The following SIGLEC10 variants were observed in gnomAD, a reference collection of about 807,000 sequenced individuals.
The protein encoded by SIGLEC10 is sialic acid binding Ig like lectin 10, also known as sialic acid-binding Ig-like lectin 10.
Under a neutral mutation model 68.3 loss-of-function variants are expected in SIGLEC10, and 45 were observed. The observed-to-expected ratio is 0.66, with a 90% confidence interval of 0.52 to 0.84. SIGLEC10 has a LOEUF of 0.84. SIGLEC10 is among the 40% of genes least tolerant of loss of function. SIGLEC10 has a pLI of 0.00. For missense variants in SIGLEC10, 789 were observed against 883.1 expected (o/e 0.89, Z 1.35); for synonymous variants, 379 against 370.8 (o/e 1.02, Z -0.26).
At position 51,415,978 on chromosome 19, in the gene SIGLEC10, G is replaced by T. The variant is rs543398977; in HGVS notation, c.944C>A (p.Ala315Asp). 1.3e-5 allele frequency: 21 copies of T among 1,613,644 alleles called. 1 individual carries two copies. The East Asian group carries it at 4.7e-4, about 36-fold the overall frequency. The change falls in exon 5 of 11, where the codon GCT (alanine) becomes GAT (aspartate). Residue 315 changes from alanine to aspartate, a missense_variant. Coordinates refer to ENST00000339313, the MANE Select transcript of SIGLEC10 (RefSeq NM_033130.5). Reference sequence around the variant, plus strand: ...GCAGGTGTAGCGCCCTGAATCCCCAGCCTTCACCCCGGGCAGCTCCAGCCC... The same window carrying T: ...GCAGGTGTAGCGCCCTGAATCCCCATCCTTCACCCCGGGCAGCTCCAGCCC... The part of the protein sequence containing the change: ...PLGLELPGVK[A>D]GDSGRYTCRA...
rs772223489 is a variant in SIGLEC10 at position 51,417,632 on chromosome 19, G to C, written c.-51C>G. The C allele has an allele frequency of 1.2e-6, 2 of 1,610,368 alleles. No individual in the cohort carries two copies. The highest frequency in any genetic ancestry group is 2.7e-5 in the African/African-American group (2 of 74,866). ...CCTGAGACAGGCCTGTTCTCTGGTC[G>C]TGCTGTGAGTGGCTCAGGGCTCTTG... On this transcript the variant is annotated 5_prime_UTR_variant, in exon 1 of 11. Transcript: ENST00000339313.
At chr19:51,417,040 C>A (rs1988763748) in intron 2 of SIGLEC10, 42 bp downstream of exon 2, 1 of 1,603,650 alleles carries the variant, frequency 6.2e-7, no homozygotes, top group Admixed American at 1.7e-5. Flanking sequence ...CCCAGGGTCC[C>A]TCCCCAGTGT....
rs766802965 is a variant in SIGLEC10 at position 51,416,904 on chromosome 19, G to A, written c.468C>T (p.Pro156=). ...PDVYIPETLE[P]GQPVTVICVF... Reference sequence around the variant, plus strand: ...CACAGATGACCGTCACCGGCTGCCCGGGCTCCAGGGTCTCGGGGATGTAGA... The same window carrying A: ...CACAGATGACCGTCACCGGCTGCCCAGGCTCCAGGGTCTCGGGGATGTAGA... Residue 156 remains proline, a synonymous_variant, in exon 3 of 11, where the codon CCC becomes CCT. Transcript: ENST00000339313. 1.3e-5 allele frequency: 21 copies of A among 1,613,964 alleles called. No individual in the cohort carries two copies. Among genetic ancestry groups the A allele is most frequent in the Middle Eastern group, 1.6e-4 (1 of 6,082 alleles).
At chr19:51,412,770 G>A (rs972685605) in intron 10 of SIGLEC10, among the ~76,000 whole-genome samples, 5 of 150,130 alleles carry the variant, frequency 3.3e-5, no homozygotes, top group South Asian at 2.1e-4. Context: ...GCCAGCAGGC[G>A]TGGCCTTTTT....
At position 51,414,218 on chromosome 19, in the gene SIGLEC10, G is replaced by C; in HGVS notation, c.1709+204C>G. 1.7e-6 allele frequency: 1 copy of C among 597,094 alleles called. No individual in the cohort carries two copies. The highest frequency in any genetic ancestry group is 2.0e-5 in the South Asian group (1 of 50,284). 37.0% of individuals were successfully genotyped at this position (597,094 alleles called of 1,614,324 possible). ...ACAAGAAACACTTCGCTTGGGGCGTGACTGCCCTCAGCATTCCCTCTGGGA... is the reference window on the plus strand; with the variant it reads ...ACAAGAAACACTTCGCTTGGGGCGTCACTGCCCTCAGCATTCCCTCTGGGA... On this transcript the variant is annotated intron_variant, in intron 9 of 10. Transcript: ENST00000339313. The surrounding 1 kb of genome is among the most constrained non-coding windows in gnomAD (Gnocchi z 4.1).
At chr19:51,412,599 C>T (rs1281087147) in intron 10 of SIGLEC10, among the ~76,000 whole-genome samples, 5 of 151,760 alleles carry the variant, frequency 3.3e-5, no homozygotes, top group East Asian at 3.9e-4. Context: ...CTCAGCCTCC[C>T]GAGTAGCTGT....
Position 51,416,078 on chromosome 19 carries a change from GCTGGCTGTCA to G in SIGLEC10, c.834_843del (p.Asp279ProfsTer5). On this transcript the variant is annotated frameshift_variant, in exon 5 of 11. Transcript: ENST00000339313. LOFTEE classifies it high-confidence loss of function. ...AGGACCCAGCTCAGTGTGGCAGGGG[GCTGGCTGTCA>G]GCAGCACAGAGGAGCCGCAGGAACT... 1 of 1,611,472 alleles carries G rather than the reference GCTGGCTGTCA, an allele frequency of 6.2e-7. No individual in the cohort carries two copies. Among genetic ancestry groups the G allele is most frequent in the Non-Finnish European group, 8.5e-7 (1 of 1,179,232 alleles).
chr19:51,412,667 G>T (rs935597317), intron 10 of SIGLEC10, among the ~76,000 whole-genome samples: 3 of 151,936 alleles, frequency 2.0e-5, no homozygotes, highest in South Asian at 2.1e-4. Flanking sequence ...GTAGAGATGG[G>T]GTTTCACCAT....
chr19:51,415,957 G>T lies in SIGLEC10; in HGVS notation c.965C>A (p.Thr322Asn). The change falls in exon 5 of 11, where the codon ACC becomes AAC. Residue 322 changes from threonine to asparagine, a missense_variant. Thr to Asn is a moderately conservative substitution (Grantham distance 65). Coordinates refer to ENST00000339313, the MANE Select transcript of SIGLEC10 (RefSeq NM_033130.5). ...GCCAAGCCTGTTCTCCGCTCGGCAG[G>T]TGTAGCGCCCTGAATCCCCAGCCTT... Reference protein sequence around the residue: ...GVKAGDSGRYTCRAENRLGSQ... With the variant: ...GVKAGDSGRYNCRAENRLGSQ... The T allele has an allele frequency of 2.5e-6, 4 of 1,613,656 alleles. No individual in the cohort carries two copies. Among genetic ancestry groups the T allele is most frequent in the Non-Finnish European group, 3.4e-6 (4 of 1,180,014 alleles).
Position 51,415,892 on chromosome 19 carries a change from A to C in SIGLEC10, c.1024+6T>G. The C allele has an allele frequency of 3.1e-6, 5 of 1,612,532 alleles. No homozygotes were observed. ...TGGACTCCAGGCCCCTGCTGGGCAC[A>C]CTCACACTGCACAGAGAGGTCCAGG... On this transcript the variant is annotated splice_donor_region_variant and intron_variant, in intron 5 of 10. Coordinates refer to ENST00000339313, the MANE Select transcript of SIGLEC10 (RefSeq NM_033130.5).
In SIGLEC10 at chr19:51,415,626, G is replaced by T; in HGVS notation, c.1025-11C>A. On this transcript the variant is annotated splice_polypyrimidine_tract_variant and intron_variant, in intron 5 of 10. Transcript: ENST00000339313. Reference sequence around the variant, plus strand: ...GGTTCTCTGGAGGATCTGAAATGGAGACAGGGGACCGGCTCTAGACGGACC... The same window carrying T: ...GGTTCTCTGGAGGATCTGAAATGGATACAGGGGACCGGCTCTAGACGGACC... 2 of 1,613,952 alleles carry T rather than the reference G, an allele frequency of 1.2e-6. No individual in the cohort carries two copies. Among genetic ancestry groups the T allele is most frequent in the South Asian group, 1.1e-5 (1 of 91,078 alleles).
intron 1 of SIGLEC10, 27 bp downstream of exon 1, chr19:51,417,518 G>A: frequency 6.2e-7 from 1 of 1,614,202 alleles, no homozygotes; most frequent in Non-Finnish European, 8.5e-7. Context: ...TCCGCCCCAG[G>A]TCCTTTCCGG....
chr19:51,416,725 T>C lies in SIGLEC10; in HGVS notation c.647A>G (p.His216Arg). The change falls in exon 3 of 11, where the codon CAT (histidine) becomes CGT (arginine). Residue 216 changes from histidine (H) to arginine (R), a missense_variant. His to Arg is a conservative substitution (Grantham distance 29). Transcript: ENST00000339313. Reference protein sequence around the residue: ...PQDHNTDLTCHVDFSRKGVSA... With the variant: ...PQDHNTDLTCRVDFSRKGVSA... Reference sequence around the variant, plus strand: ...CACACCCTTTCTGGAGAAGTCCACATGGCAGGTGAGGTCGGTGTTGTGGTC... The same window carrying C: ...CACACCCTTTCTGGAGAAGTCCACACGGCAGGTGAGGTCGGTGTTGTGGTC... 6.2e-7 allele frequency: 1 copy of C among 1,614,192 alleles called. No homozygotes were observed. The highest frequency in any genetic ancestry group is 8.5e-7 in the Non-Finnish European group (1 of 1,180,032).
chr19:51,412,658 T>C (rs1272373802), intron 10 of SIGLEC10, among the ~76,000 whole-genome samples: 4 of 152,044 alleles, frequency 2.6e-5, no homozygotes, highest in African/African-American at 4.8e-5. Context: ...GTATGTTTAG[T>C]AGAGATGGGG....
Position 51,410,624 on chromosome 19 carries a change from C to T in SIGLEC10, c.*475G>A, listed in dbSNP as rs934986633. 1.3e-5 allele frequency: 2 copies of T among 156,054 alleles called. No individual in the cohort carries two copies. The highest frequency in any genetic ancestry group is 1.2e-4 in the Admixed American group (2 of 16,042). The allele number at this position is 156,054 out of a possible 1,614,324, so 9.7% of individuals were successfully genotyped here. On this transcript the variant is annotated 3_prime_UTR_variant, in exon 11 of 11. Coordinates refer to ENST00000339313, the MANE Select transcript of SIGLEC10 (RefSeq NM_033130.5). ...CCACCCACCTTAGCCTCCCAAAGTG[C>T]TGGGATTACAGACACCCAACCCATT... is the stretch of plus-strand genomic sequence containing the variant.
In SIGLEC10 at chr19:51,416,874, A is replaced by G; in HGVS notation, c.498T>C (p.Phe166=). 2 of 1,614,100 alleles carry G rather than the reference A, an allele frequency of 1.2e-6. No homozygotes were observed. The highest frequency in any genetic ancestry group is 1.7e-6 in the Non-Finnish European group (2 of 1,180,014). ...PGQPVTVICV[F]NWAFEECPPP... is the part of the protein sequence containing the mutation. ...GTGGACATTCCTCAAAGGCCCAGTT[A>G]AACACACAGATGACCGTCACCGGCT... Residue 166 remains phenylalanine (F), a synonymous_variant, in exon 3 of 11, where the codon TTT becomes TTC. Transcript: ENST00000339313.
intron 10 of SIGLEC10, among the ~76,000 whole-genome samples, chr19:51,412,484 CTT>C (rs529570279): frequency 5.6e-5 from 8 of 143,110 alleles, no homozygotes; most frequent in Admixed American, 7.0e-5. Context: ...TGGAATTAGT[CTT>C]TTTTTTTTTT....
intron 10 of SIGLEC10, 103 bp downstream of exon 10, chr19:51,413,609 C>T: frequency 9.8e-7 from 1 of 1,025,524 alleles, no homozygotes; most frequent in South Asian, 1.4e-5. Flanking sequence ...ACTATCGGTG[C>T]TTTTCCCACC....
chr19:51,414,782 G>A lies in SIGLEC10; in HGVS notation c.1615+42C>T. On this transcript the variant is annotated intron_variant, in intron 8 of 10. Coordinates refer to ENST00000339313, the MANE Select transcript of SIGLEC10 (RefSeq NM_033130.5). This position sits in a 1 kb window ranked among gnomAD's most constrained non-coding sequence, Gnocchi z 4.1. ...AGGACCCTACTCTTTGCCCCAGTCA[G>A]CTTCTCCTCCAAGAACCTTGGCATC... 6.2e-7 allele frequency: 1 copy of A among 1,608,420 alleles called. No individual in the cohort carries two copies.
Sources: gnomAD v4.1 joint callset for allele counts (sites outside exome capture counted in the v4.1 genomes callset) on GRCh38, gnomAD v4.1.1 for gene constraint, Gnocchi (gnomAD v3.1) non-coding constraint, MANE v1.5 for transcripts, NCBI Gene and HGNC (gene_info 2026-07-23, HGNC 2026-07-21) for gene names.